The following PDZD8 variants were observed in gnomAD, a reference collection of about 807,000 sequenced individuals.
PDZD8 encodes PDZ domain containing 8, also known as PDZ domain-containing protein 8.
PDZD8 carries 14 observed loss-of-function variants against 85.8 expected under a neutral mutation model. That is an observed-to-expected ratio of 0.16 (90% CI 0.11 to 0.26). The LOEUF is 0.26. PDZD8 is among the 10% of genes least tolerant of loss of function. The pLI is 1.00. For missense variants in PDZD8, 1,197 were observed against 1,424.3 expected (o/e 0.84, Z 2.57); for synonymous variants, 592 against 568.6 (o/e 1.04, Z -0.59).
chr10:117,332,465 G>A (rs948048552), intron 2 of PDZD8, among the ~76,000 whole-genome samples: 2 of 143,454 alleles, frequency 1.4e-5, no homozygotes, highest in African/African-American at 5.2e-5. Context: ...TAATATAAAA[G>A]TTTTCAGAAC....
Position 117,374,552 on chromosome 10 carries a change from C to T in PDZD8, c.676G>A (p.Val226Met). 2.5e-6 allele frequency: 4 copies of T among 1,603,594 alleles called. No individual in the cohort carries two copies. The highest frequency in any genetic ancestry group is 3.4e-6 in the Non-Finnish European group (4 of 1,175,030). The change falls in exon 1 of 5, where the codon GTG becomes ATG. Residue 226 changes from valine (V) to methionine (M), a missense_variant. Physicochemically the swap from Val to Met is conservative, Grantham distance 21 (BLOSUM62 1). This residue lies in a region of PDZD8 where 344 missense variants were observed against 453.6 expected (regional missense o/e 0.76). Coordinates refer to ENST00000334464, the MANE Select transcript of PDZD8 (RefSeq NM_173791.5). The surrounding 1 kb of genome is among the most constrained non-coding windows in gnomAD (Gnocchi z 7.8). ...AYLFVKLSRVVGRLRLVFTRV... is the reference protein window; with the variant it reads ...AYLFVKLSRVMGRLRLVFTRV... Reference sequence around the variant, plus strand: ...GTAAAGACCAAGCGCAGCCTTCCCACCACGCGGGACAGCTTGACAAACAAG... The same window carrying T: ...GTAAAGACCAAGCGCAGCCTTCCCATCACGCGGGACAGCTTGACAAACAAG...
At chr10:117,340,102 CAAG>C (rs1325838106) in intron 2 of PDZD8, among the ~76,000 whole-genome samples, 1 of 152,158 alleles carries the variant, frequency 6.6e-6, no homozygotes, top group East Asian at 1.9e-4. Context: ...CAAAGTAAAA[CAAG>C]GAGGCTAGGC....
intron 2 of PDZD8, among the ~76,000 whole-genome samples, chr10:117,319,902 A>C (rs1300169559): frequency 1.3e-5 from 2 of 152,114 alleles, no homozygotes; most frequent in Non-Finnish European, 2.9e-5. Context: ...CTCTATGAAG[A>C]TCATGAGGTA....
At chr10:117,303,318 T>C (rs377099671) in intron 3 of PDZD8, among the ~76,000 whole-genome samples, 7 of 152,244 alleles carry the variant, frequency 4.6e-5, no homozygotes, top group African/African-American at 1.4e-4. Context: ...CCCTAGAGAT[T>C]TGTGGAATTT....
intron 2 of PDZD8, among the ~76,000 whole-genome samples, chr10:117,330,020 G>GGGATGGAGGGAGGGAT (rs1474553629): frequency 1.6e-5 from 1 of 61,086 alleles, no homozygotes; most frequent in South Asian, 1.1e-3. Context: ...GAGGGAGGGA[G>GGGATGGAGGGAGGGAT]GGAGGGAAGG....
chr10:117,357,766 C>CAAAAAAAAAAAAAAAAAAAAAA, intron 1 of PDZD8, among the ~76,000 whole-genome samples: 1 of 47,472 alleles, frequency 2.1e-5, no homozygotes, highest in Non-Finnish European at 3.7e-5. Flanking sequence ...ACTTCATCTC[C>CAAAAAAAAAAAAAAAAAAAAAA]AAAAAAAAAA....
At chr10:117,287,387 C>G (rs1021260547) in intron 4 of PDZD8, among the ~76,000 whole-genome samples, 18 of 152,172 alleles carry the variant, frequency 1.2e-4, no homozygotes, top group African/African-American at 4.3e-4. Flanking sequence ...TACAGCCACT[C>G]CAGTAGTCTC....
intron 1 of PDZD8, among the ~76,000 whole-genome samples, chr10:117,342,393 T>TACACACACAC (rs59113065): frequency 0.066 from 9,566 of 145,548 alleles, 367 homozygotes; most frequent in African/African-American, 0.08. Context: ...CACAAACAGA[T>TACACACACAC]ACACACACAC....
In PDZD8 at chr10:117,323,748, C is replaced by A. The variant is rs529285763; in HGVS notation, c.996-4774G>T. 7.4e-4 allele frequency among the ~76,000 whole-genome samples: 113 copies of A among 152,232 alleles called. 3 individuals carry two copies. Among genetic ancestry groups the A allele is most frequent in the Admixed American group, 7.3e-3 (112 of 15,284 alleles). On this transcript the variant is annotated intron_variant, in intron 2 of 4. Transcript: ENST00000334464. Reference sequence around the variant, plus strand: ...GGATCTACTTATGGGCAAGGCAAAGCCCCCAGAATTGCAAATGACTTTCTG... The same window carrying A: ...GGATCTACTTATGGGCAAGGCAAAGACCCCAGAATTGCAAATGACTTTCTG...
At position 117,346,509 on chromosome 10, in the gene PDZD8, A is replaced by G. The variant is rs142348739; in HGVS notation, c.873-5407T>C. ...AGCATTAATAATACAGGAGTTATTA[A>G]TAAGTAATTTTTAGGCAGCAAGAAA... On this transcript the variant is annotated intron_variant, in intron 1 of 4. Transcript: ENST00000334464. Among the ~76,000 whole-genome samples the G allele has an allele frequency of 3.5e-4, 53 of 152,138 alleles. 1 individual carries two copies. The East Asian group carries it at 0.01, about 29-fold the overall frequency.
chr10:117,286,762 C>T (rs1032070147), intron 4 of PDZD8, among the ~76,000 whole-genome samples: 1 of 152,174 alleles, frequency 6.6e-6, no homozygotes, highest in Non-Finnish European at 1.5e-5. Context: ...AAGATTACAA[C>T]GATGTTCTTA....
At chr10:117,293,729 A>G (rs1182531548) in intron 3 of PDZD8, among the ~76,000 whole-genome samples, 1 of 152,172 alleles carries the variant, frequency 6.6e-6, no homozygotes, top group East Asian at 1.9e-4. Flanking sequence ...GATTTAACTG[A>G]CACTTATAGA....
chr10:117,346,785 C>T (rs940391680), intron 1 of PDZD8, among the ~76,000 whole-genome samples: 2 of 151,838 alleles, frequency 1.3e-5, no homozygotes, highest in Admixed American at 1.3e-4. Context: ...GGTAAAACCA[C>T]GTACAGGCAT....
intron 1 of PDZD8, among the ~76,000 whole-genome samples, chr10:117,365,615 A>G (rs766367920): frequency 2.0e-4 from 30 of 152,318 alleles, no homozygotes; most frequent in Admixed American, 9.2e-4. Flanking sequence ...AGTACTGCTC[A>G]TCTAAAGGTA....
At chr10:117,296,767 A>G (rs552858756) in intron 3 of PDZD8, among the ~76,000 whole-genome samples, 20 of 152,246 alleles carry the variant, frequency 1.3e-4, no homozygotes, top group Admixed American at 9.2e-4. Context: ...CTTGACTCAC[A>G]CACTACATAA....
Position 117,374,597 on chromosome 10 carries a change from C to G in PDZD8, c.631G>C (p.Val211Leu). Residue 211 changes from valine to leucine, a missense_variant, in exon 1 of 5, where the codon GTC becomes CTC. Around this residue, in one of 4 missense-constraint regions of PDZD8, gnomAD observed 344 missense variants for 453.6 expected, o/e 0.76. Transcript: ENST00000334464. This position sits in a 1 kb window ranked among gnomAD's most constrained non-coding sequence, Gnocchi z 7.8. ...AACAAGTAGGCGGACTTGCCGAAGA[C>G]CAGGTCCACGTCGATGGCCAGGTGG... ...GFHLAIDVDL[V>L]FGKSAYLFVK... 1.3e-6 allele frequency: 2 copies of G among 1,591,030 alleles called. No homozygotes were observed. The highest frequency in any genetic ancestry group is 1.7e-6 in the Non-Finnish European group (2 of 1,168,278).
chr10:117,335,354 C>T (rs1482288479), intron 2 of PDZD8, among the ~76,000 whole-genome samples: 1 of 152,050 alleles, frequency 6.6e-6, no homozygotes, highest in Non-Finnish European at 1.5e-5. Flanking sequence ...TACCAGATGA[C>T]AATTTTGATA....
chr10:117,283,421 T>C lies in PDZD8; in HGVS notation c.3312A>G (p.Leu1104=), dbSNP rs1370665076. The change falls in exon 5 of 5, where the codon TTA becomes TTG. Residue 1104 remains leucine, a synonymous_variant. Coordinates refer to ENST00000334464, the MANE Select transcript of PDZD8 (RefSeq NM_173791.5). ...YRAGIEDIET[L]ESLSLDQHSK... is the part of the protein sequence containing the mutation. ...AGTGCTGGTCTAAAGACAGACTTTC[T>C]AAAGTTTCTATATCTTCAATGCCTG... is the stretch of plus-strand genomic sequence containing the variant. The C allele has an allele frequency of 4.3e-6, 7 of 1,614,124 alleles. No individual in the cohort carries two copies. In the African/African-American group the frequency reaches 6.7e-5, roughly 15 times the overall value.
At position 117,281,316 on chromosome 10, in the gene PDZD8, T is replaced by G. The variant is rs1476973427; in HGVS notation, c.*1952A>C. 8.0e-6 allele frequency: 1 copy of G among 124,496 alleles called. No homozygotes were observed. Among genetic ancestry groups the G allele is most frequent in the African/African-American group, 3.2e-5 (1 of 31,214 alleles). 7.7% of individuals were successfully genotyped at this position (124,496 alleles called of 1,614,324 possible). On this transcript the variant is annotated 3_prime_UTR_variant, in exon 5 of 5. Transcript: ENST00000334464. ...TTGCAGTGAGCCGAGATCATGCCAC[T>G]GCACTCCAGCCTGGGAGACAGCGAG...
Sources: gnomAD v4.1 joint callset for allele counts (sites outside exome capture counted in the v4.1 genomes callset) on GRCh38, gnomAD v4.1.1 for gene constraint, gnomAD v4.1.1 regional missense constraint, Gnocchi (gnomAD v3.1) non-coding constraint, MANE v1.5 for transcripts, NCBI Gene and HGNC (gene_info 2026-07-23, HGNC 2026-07-21) for gene names.